APBB1IP: variants seen among roughly 807,000 people sequenced by gnomAD.
The protein encoded by APBB1IP is amyloid beta A4 precursor protein-binding family B member 1-interacting protein.
A neutral mutation model predicts 64.9 loss-of-function variants in APBB1IP; 27 were observed. That is an observed-to-expected ratio of 0.42 (90% CI 0.31 to 0.57). The LOEUF (loss-of-function observed/expected upper bound fraction) is 0.57. APBB1IP is among the 20% of genes least tolerant of loss of function. The probability of loss-of-function intolerance (pLI) is 0.20; values close to 1 mark genes in which losing one functional copy is unlikely to be tolerated. For synonymous variants in APBB1IP, 392 were observed against 331.0 expected, an observed-to-expected ratio of 1.18 and a Z score of -2.00; for missense variants, 812 against 845.5, an observed-to-expected ratio of 0.96 and a Z score of 0.49.
At chr10:26,520,100 A>G (rs1592214) in intron 8 of APBB1IP, among the ~76,000 whole-genome samples, 34,913 of 152,032 alleles carry the variant, frequency 0.23, 4,161 homozygotes, top group East Asian at 0.33. Flanking sequence ...TTGCTTGAGC[A>G]CAAGATGTCA....
chr10:26,537,655 G>A (rs1394167394), intron 10 of APBB1IP, among the ~76,000 whole-genome samples: 2 of 152,206 alleles, frequency 1.3e-5, no homozygotes, highest in Non-Finnish European at 2.9e-5. Context: ...ACATTTGGCT[G>A]GGTGTGGTGG....
intron 2 of APBB1IP, among the ~76,000 whole-genome samples, chr10:26,447,377 A>C: frequency 1.3e-5 from 2 of 150,260 alleles, no homozygotes. Context: ...TCCGTCTCAA[A>C]AAAAAAAAAA....
intron 2 of APBB1IP, among the ~76,000 whole-genome samples, chr10:26,447,645 C>T (rs906627239): frequency 6.6e-6 from 1 of 152,050 alleles, no homozygotes; most frequent in Admixed American, 6.6e-5. Flanking sequence ...CAGAGCTGTC[C>T]AGTAGAACTA....
chr10:26,496,118 T>G (rs1216650461), intron 3 of APBB1IP, among the ~76,000 whole-genome samples, 186 bp from the exon 4 acceptor site: 3 of 151,270 alleles, frequency 2.0e-5, no homozygotes, highest in African/African-American at 4.9e-5. Flanking sequence ...TAGAATAATT[T>G]TTAAGCTGTA....
In APBB1IP at chr10:26,526,447, A is replaced by G. The variant is rs750603131; in HGVS notation, c.814-6992A>G. On this transcript the variant is annotated intron_variant, in intron 8 of 14. Coordinates refer to ENST00000376236, the MANE Select transcript of APBB1IP (RefSeq NM_019043.4). ...ACTTAAAAATAATATCTGGCCAGGC[A>G]TGGTGGCTCACGCCTGTAATCCCAG... is the stretch of plus-strand genomic sequence containing the variant. Among the ~76,000 whole-genome samples, 15 of 152,326 alleles carry G rather than the reference A, an allele frequency of 9.8e-5. No individual in the cohort carries two copies. In the Middle Eastern group the frequency reaches 0.01, roughly 104 times the overall value.
chr10:26,501,730 G>A (rs3802617), intron 5 of APBB1IP: 21,849 of 152,470 alleles, frequency 0.14, 1,894 homozygotes, highest in East Asian at 0.28. Context: ...AAAGTAAAAA[G>A]AGCACTTTTA....
At chr10:26,497,359 G>A (rs963861368) in intron 4 of APBB1IP, among the ~76,000 whole-genome samples, 1 of 151,928 alleles carries the variant, frequency 6.6e-6, no homozygotes, top group African/African-American at 2.4e-5. Flanking sequence ...AGACCATCCT[G>A]GCTAACACGG....
chr10:26,548,700 A>G (rs2132475008), intron 11 of APBB1IP, among the ~76,000 whole-genome samples: 3 of 152,260 alleles, frequency 2.0e-5, no homozygotes, highest in African/African-American at 7.2e-5. Context: ...TCTATCGTGA[A>G]ACTTTACTGC....
intron 2 of APBB1IP, among the ~76,000 whole-genome samples, chr10:26,440,142 G>T (rs950902271): frequency 4.6e-5 from 7 of 152,088 alleles, no homozygotes; most frequent in Middle Eastern, 3.2e-3. Flanking sequence ...TAATATTTGG[G>T]TTTTTTCTCA....
chr10:26,530,152 C>T (rs984397078), intron 8 of APBB1IP, among the ~76,000 whole-genome samples: 2 of 151,992 alleles, frequency 1.3e-5, no homozygotes, highest in Non-Finnish European at 2.9e-5. Context: ...TAAGTGTACC[C>T]TTCTGTGGTA....
rs190049850 is a variant in APBB1IP at position 26,507,600 on chromosome 10, A to G, written c.532-4147A>G. 4.7e-3 allele frequency among the ~76,000 whole-genome samples: 709 copies of G among 152,308 alleles called. 3 individuals are homozygous for G. Among genetic ancestry groups the G allele is most frequent in the Non-Finnish European group, 7.4e-3 (503 of 68,032 alleles). ...AGCACAAAATCTCACACATGGATAA[A>G]CATGTAGAATTGATCACACATGGTT... On this transcript the variant is annotated intron_variant, in intron 6 of 14. Coordinates refer to ENST00000376236, the MANE Select transcript of APBB1IP (RefSeq NM_019043.4).
At chr10:26,485,545 A>G (rs1400488141) in intron 2 of APBB1IP, among the ~76,000 whole-genome samples, 1 of 152,256 alleles carries the variant, frequency 6.6e-6, no homozygotes, top group African/African-American at 2.4e-5. Context: ...TTCTATAACG[A>G]TAACAAAAAG....
At chr10:26,559,350 G>T (rs1228362915) in intron 11 of APBB1IP, among the ~76,000 whole-genome samples, 2 of 152,024 alleles carry the variant, frequency 1.3e-5, no homozygotes, top group Non-Finnish European at 2.9e-5. Flanking sequence ...GATTGCTTGA[G>T]GCCAGGAGTT....
intron 14 of APBB1IP, among the ~76,000 whole-genome samples, chr10:26,566,096 T>G (rs1837039600): frequency 6.6e-6 from 1 of 152,186 alleles, no homozygotes; most frequent in Non-Finnish European, 1.5e-5. Flanking sequence ...CATTCGTTTT[T>G]TTTGCTGTTC....
chr10:26,566,844 C>A, intron 14 of APBB1IP, 117 bp from the exon 15 acceptor site: 1 of 1,184,398 alleles, frequency 8.4e-7, no homozygotes, highest in Non-Finnish European at 1.1e-6. Context: ...GTCCAGATCG[C>A]GCCACTGCAC....
At chr10:26,447,176 A>G (rs886629123) in intron 2 of APBB1IP, among the ~76,000 whole-genome samples, 1 of 151,598 alleles carries the variant, frequency 6.6e-6, no homozygotes, top group Non-Finnish European at 1.5e-5. Context: ...GATCGAGACC[A>G]TCCTGGCTAA....
chr10:26,500,448 C>T (rs79840977), intron 4 of APBB1IP, among the ~76,000 whole-genome samples: 11 of 152,106 alleles, frequency 7.2e-5, no homozygotes, highest in African/African-American at 1.9e-4. Flanking sequence ...AATGCTCCCC[C>T]CTCTGCTACT....
intron 2 of APBB1IP, among the ~76,000 whole-genome samples, chr10:26,441,900 C>A (rs533876890): frequency 2.6e-5 from 4 of 152,240 alleles, no homozygotes; most frequent in Admixed American, 6.5e-5. Context: ...ATAAATACTA[C>A]CAGGCCCTGT....
At chr10:26,491,736 T>C (rs1417670905) in intron 2 of APBB1IP, among the ~76,000 whole-genome samples, 2 of 149,842 alleles carry the variant, frequency 1.3e-5, no homozygotes, top group Non-Finnish European at 3.0e-5. Flanking sequence ...GCTTAATCAC[T>C]CCTCACATCA....
Sources: allele counts gnomAD v4.1 joint callset (sites outside exome capture counted in the v4.1 genomes callset), GRCh38; gene constraint gnomAD v4.1.1; transcripts MANE v1.5; gene names NCBI Gene and HGNC (gene_info 2026-07-23, HGNC 2026-07-21).